AQP2: variants seen among roughly 807,000 people sequenced by gnomAD.
The protein encoded by AQP2 is aquaporin 2, also known as aquaporin-2.
Under a neutral mutation model 21.6 loss-of-function variants are expected in AQP2, and 20 were observed. The observed-to-expected ratio is 0.92, with a 90% confidence interval of 0.65 to 1.34. The LOEUF (loss-of-function observed/expected upper bound fraction) is 1.34, where lower values mean the gene tolerates loss of function less well. Ranked by LOEUF, AQP2 falls within the 40% of genes most tolerant of loss-of-function variation. The probability of loss-of-function intolerance (pLI) is 0.00; values close to 1 mark genes in which losing one functional copy is unlikely to be tolerated. For missense variants in AQP2, 325 were observed against 363.4 expected (o/e 0.89, Z 0.86); for synonymous variants, 168 against 166.9 (o/e 1.01, Z -0.05).
chr12:49,951,014 A>G lies in AQP2; in HGVS notation c.184A>G (p.Ile62Val). ...CACCCTGGTACAGGCTCTGGGCCAC[A>G]TAAGCGGGGCCCACATCAACCCTGC... The part of the protein sequence containing the change: ...IGTLVQALGH[I>V]SGAHINPAVT... The change falls in exon 1 of 4, where the codon ATA (isoleucine) becomes GTA (valine). Residue 62 changes from isoleucine (I) to valine (V), a missense_variant. Transcript: ENST00000199280. The G allele has an allele frequency of 6.2e-7, 1 of 1,614,014 alleles. No individual in the cohort carries two copies. The highest frequency in any genetic ancestry group is 8.5e-7 in the Non-Finnish European group (1 of 1,180,032).
rs1322217715 is a variant in AQP2 at position 49,958,131 on chromosome 12, T to G, written c.*2523T>G. 2 of 152,176 alleles carry G rather than the reference T, an allele frequency of 1.3e-5. No individual in the cohort carries two copies. Among genetic ancestry groups the G allele is most frequent in the African/African-American group, 4.8e-5 (2 of 41,444 alleles). 9.4% of individuals were successfully genotyped at this position (152,176 alleles called of 1,614,324 possible). On this transcript the variant is annotated 3_prime_UTR_variant, in exon 4 of 4. Coordinates refer to ENST00000199280, the MANE Select transcript of AQP2 (RefSeq NM_000486.6). ...TATCTGATCTTCCTCAAACTTCAGA[T>G]AGGTTAGGGAAGGACAAAGGCCCCC...
rs2060689253 is a variant in AQP2, at chr12:49,954,711, G to A, written c.606+1G>A. ...CACTGGCAAATTTGATGACCACTGG[G>A]TAATGGCTGAAACCCCCTGCCCTCC... On this transcript the variant is annotated splice_donor_variant, in intron 3 of 3. Transcript: ENST00000199280. LOFTEE classifies it high-confidence loss of function. The A allele has an allele frequency of 1.9e-6, 3 of 1,613,930 alleles. No individual in the cohort carries two copies. Among genetic ancestry groups the A allele is most frequent in the East Asian group, 2.2e-5 (1 of 44,874 alleles).
intron 1 of AQP2, chr12:49,952,119 C>T (rs1947334708): frequency 6.6e-6 from 1 of 152,424 alleles, no homozygotes; most frequent in Non-Finnish European, 1.5e-5. Context: ...AATTAGGGAA[C>T]TTCTCTGCTT....
chr12:49,954,489 C>T (rs1948525841), intron 2 of AQP2, 141 bp from the exon 3 acceptor site: 2 of 1,244,038 alleles, frequency 1.6e-6, no homozygotes, highest in African/African-American at 3.0e-5. Flanking sequence ...TCACTCCAGC[C>T]CATCTGTAAA....
rs2137148733 is a variant in AQP2 at position 49,955,394 on chromosome 12, C to T, written c.607-5C>T. 6.2e-7 allele frequency: 1 copy of T among 1,612,020 alleles called. No homozygotes were observed. The highest frequency in any genetic ancestry group is 8.5e-7 in the Non-Finnish European group (1 of 1,179,460). ...TGCCAAGCCGCCCTCTCCGCTCGCCCCCAGGTCTTCTGGATCGGACCCCTG... is the reference window on the plus strand; with the variant it reads ...TGCCAAGCCGCCCTCTCCGCTCGCCTCCAGGTCTTCTGGATCGGACCCCTG... On this transcript the variant is annotated splice_region_variant and splice_polypyrimidine_tract_variant and intron_variant, in intron 3 of 3. Coordinates refer to ENST00000199280, the MANE Select transcript of AQP2 (RefSeq NM_000486.6).
chr12:49,951,133 C>A lies in AQP2; in HGVS notation c.303C>A (p.Ala101=), dbSNP rs762001833. The part of the protein sequence containing the change: ...AAQLLGAVAG[A]ALLHEITPAD... Reference sequence around the variant, plus strand: ...AGCTGCTGGGGGCTGTGGCCGGAGCCGCTCTGCTCCATGAGATCACGCCAG... The same window carrying A: ...AGCTGCTGGGGGCTGTGGCCGGAGCAGCTCTGCTCCATGAGATCACGCCAG... Residue 101 remains alanine, a synonymous_variant, in exon 1 of 4, where the codon GCC becomes GCA. Coordinates refer to ENST00000199280, the MANE Select transcript of AQP2 (RefSeq NM_000486.6). The A allele has an allele frequency of 6.2e-7, 1 of 1,604,574 alleles. No homozygotes were observed. The highest frequency in any genetic ancestry group is 8.5e-7 in the Non-Finnish European group (1 of 1,173,410).
chr12:49,951,455 T>C (rs1483544425), intron 1 of AQP2: 2 of 541,826 alleles, frequency 3.7e-6, no homozygotes, highest in Non-Finnish European at 3.2e-6. Flanking sequence ...CAGGTTTCTG[T>C]TGGACTCAAC....
In AQP2 at chr12:49,955,661, G is replaced by T; in HGVS notation, c.*53G>T. The T allele has an allele frequency of 6.6e-7, 1 of 1,524,014 alleles. No individual in the cohort carries two copies. The highest frequency in any genetic ancestry group is 2.0e-5 in the Admixed American group (1 of 50,966). 94.4% of individuals were successfully genotyped at this position (1,524,014 alleles called of 1,614,324 possible). On this transcript the variant is annotated 3_prime_UTR_variant, in exon 4 of 4. Coordinates refer to ENST00000199280, the MANE Select transcript of AQP2 (RefSeq NM_000486.6). ...ACGGACGCTTGTGAGGCCCGAGGCA[G>T]AAGGGCCCACCCCGTCCCTCCTCTC...
chr12:49,954,257 G>A lies in AQP2; in HGVS notation c.463G>A (p.Glu155Lys). Residue 155 changes from glutamate (E) to lysine (K), a missense_variant, in exon 2 of 4, where the codon GAG becomes AAG. Coordinates refer to ENST00000199280, the MANE Select transcript of AQP2 (RefSeq NM_000486.6). ...CGCCTCCACCGATGAGCGCCGCGGA[G>A]AGAACCCGGGCACCCCTGCTCTCTC... Reference protein sequence around the residue: ...IFASTDERRGENPGTPALSIG... With the variant: ...IFASTDERRGKNPGTPALSIG... 4 of 1,607,826 alleles carry A rather than the reference G, an allele frequency of 2.5e-6. No homozygotes were observed. The highest frequency in any genetic ancestry group is 2.2e-5 in the East Asian group (1 of 44,880).
chr12:49,954,075 G>A (rs1256579802), intron 1 of AQP2, 80 bp from the exon 2 acceptor site: 11 of 1,578,380 alleles, frequency 7.0e-6, no homozygotes, highest in East Asian at 4.5e-5. Context: ...CTGGTGCCTC[G>A]ACTGCAGGTG....
In AQP2 at chr12:49,956,826, T is replaced by C. The variant is rs376984675; in HGVS notation, c.*1218T>C. The C allele has an allele frequency of 1.3e-3, 200 of 152,708 alleles. 1 individual carries two copies. The South Asian group carries it at 0.04, about 31-fold the overall frequency. The allele number at this position is 152,708 out of a possible 1,614,324, so 9.5% of individuals were successfully genotyped here. A position where few individuals can be genotyped will look rare whatever the true frequency, so the allele number is the denominator to read the frequency against. Reference sequence around the variant, plus strand: ...ACCCCAGGAATCTCTGTTCCTTCTCTGTCTGCCTCTCCACAGCCCGTGATC... The same window carrying C: ...ACCCCAGGAATCTCTGTTCCTTCTCCGTCTGCCTCTCCACAGCCCGTGATC... On this transcript the variant is annotated 3_prime_UTR_variant, in exon 4 of 4. Transcript: ENST00000199280.
Position 49,950,768 on chromosome 12 carries a change from G to A in AQP2, c.-63G>A, listed in dbSNP as rs1947322186. ...TGAGAAAGAGAGCGATAGAGTGCGA[G>A]AGCGAGTGCCCGGAGCATCCTGGCC... On this transcript the variant is annotated 5_prime_UTR_variant, in exon 1 of 4. Transcript: ENST00000199280. 2.5e-6 allele frequency: 4 copies of A among 1,576,606 alleles called. No individual in the cohort carries two copies. The highest frequency in any genetic ancestry group is 3.4e-6 in the Non-Finnish European group (4 of 1,159,854).
intron 1 of AQP2, among the ~76,000 whole-genome samples, chr12:49,952,500 T>C (rs1474208464): frequency 6.6e-6 from 1 of 152,212 alleles, no homozygotes; most frequent in Non-Finnish European, 1.5e-5. Context: ...TCATTTCCTC[T>C]GAGAACAAAA....
Position 49,951,087 on chromosome 12 carries a change from C to T in AQP2, c.257C>T (p.Ala86Val), listed in dbSNP as rs1279852191. The part of the protein sequence containing the change: ...LVGCHVSVLR[A>V]AFYVAAQLLG... ...GGCTGCCACGTCTCCGTTCTCCGAG[C>T]CGCCTTCTACGTGGCTGCCCAGCTG... The change falls in exon 1 of 4, where the codon GCC (alanine) becomes GTC (valine). Residue 86 changes from alanine to valine, a missense_variant. Coordinates refer to ENST00000199280, the MANE Select transcript of AQP2 (RefSeq NM_000486.6). The T allele has an allele frequency of 6.2e-7, 1 of 1,610,578 alleles. No individual in the cohort carries two copies. The highest frequency in any genetic ancestry group is 8.5e-7 in the Non-Finnish European group (1 of 1,177,402).
chr12:49,950,957 C>T lies in AQP2; in HGVS notation c.127C>T (p.Gln43Ter), dbSNP rs1481158831. 1 of 1,614,246 alleles carries T rather than the reference C, an allele frequency of 6.2e-7. No homozygotes were observed. The highest frequency in any genetic ancestry group is 1.7e-5 in the Admixed American group (1 of 60,032). Residue 43 changes from glutamine to a stop codon, truncating the protein, a stop_gained, in exon 1 of 4, where the codon CAG (glutamine) becomes TAG (stop). Transcript: ENST00000199280. LOFTEE classifies it high-confidence loss of function. The stretch of plus-strand genomic sequence containing the variant: ...GCCACAGGCCCTGCCCTCTGTGCTA[C>T]AGATTGCCATGGCGTTTGGCTTGGG... ...NWPQALPSVL[Q>*]IAMAFGLGIG...
rs1420573958 is a variant in AQP2 at position 49,955,735 on chromosome 12, C to T, written c.*127C>T. 3 of 1,248,942 alleles carry T rather than the reference C, an allele frequency of 2.4e-6. No individual in the cohort carries two copies. Among genetic ancestry groups the T allele is most frequent in the East Asian group, 5.1e-5 (2 of 39,454 alleles). 77.4% of individuals were successfully genotyped at this position (1,248,942 alleles called of 1,614,324 possible). A position where few individuals can be genotyped will look rare whatever the true frequency, so the allele number is the denominator to read the frequency against. On this transcript the variant is annotated 3_prime_UTR_variant, in exon 4 of 4. Transcript: ENST00000199280. ...CAGCGCAGAGTAGCTGCTTCCTGGA[C>T]GTGCGCGCCCAGGCCAGTGCTGTGA...
intron 1 of AQP2, among the ~76,000 whole-genome samples, chr12:49,953,336 G>A (rs1385269743): frequency 6.6e-6 from 1 of 152,226 alleles, no homozygotes; most frequent in Non-Finnish European, 1.5e-5. Context: ...AGCCCCAGAA[G>A]GCAGGGTGTA....
At chr12:49,954,896 G>C (rs910516408) in intron 3 of AQP2, among the ~76,000 whole-genome samples, 186 bp downstream of exon 3, 2 of 152,242 alleles carry the variant, frequency 1.3e-5, no homozygotes, top group Non-Finnish European at 2.9e-5. Flanking sequence ...TTCCACGTCT[G>C]TGAATGAGGA....
chr12:49,953,335 A>G (rs1947342833), intron 1 of AQP2, among the ~76,000 whole-genome samples: 1 of 152,210 alleles, frequency 6.6e-6, no homozygotes, highest in African/African-American at 2.4e-5. Flanking sequence ...CAGCCCCAGA[A>G]GGCAGGGTGT....
Sources: gnomAD v4.1 joint callset for allele counts (sites outside exome capture counted in the v4.1 genomes callset) on GRCh38, gnomAD v4.1.1 for gene constraint, MANE v1.5 for transcripts, NCBI Gene and HGNC (gene_info 2026-07-23, HGNC 2026-07-21) for gene names.